ZBTB17: variants seen among roughly 807,000 people sequenced by gnomAD.
The protein encoded by ZBTB17 is zinc finger and BTB domain-containing protein 17.
In ZBTB17, 24 loss-of-function variants were observed where a neutral mutation model predicts 85.1. The ratio of observed to expected loss-of-function variants is 0.28; its 90% CI spans 0.20 to 0.40. The LOEUF is 0.40. ZBTB17 is among the 10% of genes least tolerant of loss of function. The pLI is 1.00. For missense variants in ZBTB17, 743 were observed against 1,105.1 expected (o/e 0.67, Z 4.65); for synonymous variants, 464 against 460.2 (o/e 1.01, Z -0.11).
At chr1:15,946,886 A>G (rs1283441650) in intron 4 of ZBTB17, 49 bp downstream of exon 4, 1 of 1,566,248 alleles carries the variant, frequency 6.4e-7, no homozygotes, top group Admixed American at 1.8e-5. Flanking sequence ...CCCACATCAA[A>G]AGCCAAGGTC....
intron 13 of ZBTB17, 121 bp downstream of exon 13, chr1:15,942,943 G>A (rs1570094729): frequency 1.4e-6 from 2 of 1,474,668 alleles, no homozygotes; most frequent in Non-Finnish European, 1.8e-6. Context: ...CTGCCTTCAA[G>A]GCCACCTGCA....
intron 2 of ZBTB17, among the ~76,000 whole-genome samples, chr1:15,971,360 CAATA>C (rs1417118376): frequency 7.2e-6 from 1 of 139,652 alleles, no homozygotes; most frequent in East Asian, 2.1e-4. Context: ...CATACACACA[CAATA>C]TATATATATA....
rs1056229610 is a variant in ZBTB17 at position 15,951,569 on chromosome 1, A to G, written c.-2-3072T>C. ...CCCCCAGGCTGTTCCCCAGCCGGGA[A>G]GCTTTAACAGCCCCTCTCTCAAGGC... On this transcript the variant is annotated intron_variant, in intron 2 of 15. Coordinates refer to ENST00000375743, the MANE Select transcript of ZBTB17 (RefSeq NM_003443.3). This position sits in a 1 kb window ranked among gnomAD's most constrained non-coding sequence, Gnocchi z 4.1. 7.9e-5 allele frequency among the ~76,000 whole-genome samples: 12 copies of G among 152,146 alleles called. No individual in the cohort carries two copies. Among genetic ancestry groups the G allele is most frequent in the Non-Finnish European group, 1.5e-5 (1 of 68,016 alleles).
rs1478212788 is a variant in ZBTB17 at position 15,944,443 on chromosome 1, G to A, written c.1228C>T (p.Leu410=). The part of the protein sequence containing the change: ...TTSGNLKRHQ[L]VHSGEKPYQC... ...TAGGGCTTCTCGCCGCTGTGCACCA[G>A]CTGGTGGCGCTTGAGGTTGCCCGAG... Residue 410 remains leucine (L), a synonymous_variant, in exon 9 of 16, where the codon CTG becomes TTG. Transcript: ENST00000375743. 5.1e-6 allele frequency: 8 copies of A among 1,574,720 alleles called. No homozygotes were observed. The highest frequency in any genetic ancestry group is 1.4e-5 in the African/African-American group (1 of 73,962).
rs1368419352 is a variant in ZBTB17, at chr1:15,953,822, A to T, written c.-2-5325T>A. On this transcript the variant is annotated intron_variant, in intron 2 of 15. Coordinates refer to ENST00000375743, the MANE Select transcript of ZBTB17 (RefSeq NM_003443.3). This position sits in a 1 kb window ranked among gnomAD's most constrained non-coding sequence, Gnocchi z 5.1. ...TATGACTTCCTTTGTGACAGGATTA[A>T]ATTAAGTAACATAGGTCAAGACCCT... Among the ~76,000 whole-genome samples the T allele has an allele frequency of 6.6e-6, 1 of 152,224 alleles. No individual in the cohort carries two copies. The highest frequency in any genetic ancestry group is 1.5e-5 in the Non-Finnish European group (1 of 68,040).
At chr1:15,970,540 A>T (rs1350606314) in intron 2 of ZBTB17, among the ~76,000 whole-genome samples, 1 of 146,960 alleles carries the variant, frequency 6.8e-6, no homozygotes, top group African/African-American at 2.5e-5. Flanking sequence ...CCACCACCAC[A>T]CCCAGCTAAT....
In ZBTB17 at chr1:15,952,753, A is replaced by G. The variant is rs1003809644; in HGVS notation, c.-2-4256T>C. Among the ~76,000 whole-genome samples the G allele has an allele frequency of 6.6e-6, 1 of 152,252 alleles. No homozygotes were observed. The highest frequency in any genetic ancestry group is 2.4e-5 in the African/African-American group (1 of 41,474). The stretch of plus-strand genomic sequence containing the variant: ...GGGGAGAGGGCACATGGAGAAGAGC[A>G]GAGAGGCCACTGACAGCACCAATGC... On this transcript the variant is annotated intron_variant, in intron 2 of 15. Coordinates refer to ENST00000375743, the MANE Select transcript of ZBTB17 (RefSeq NM_003443.3). The surrounding 1 kb of genome is among the most constrained non-coding windows in gnomAD (Gnocchi z 4.3).
chr1:15,971,886 C>CTTTT (rs34488066), intron 2 of ZBTB17, among the ~76,000 whole-genome samples: 2 of 146,878 alleles, frequency 1.4e-5, no homozygotes, highest in Admixed American at 6.8e-5. Flanking sequence ...ATAGTCATTA[C>CTTTT]TTTTTTTTTT....
chr1:15,964,999 A>C lies in ZBTB17; in HGVS notation c.-3+8040T>G, dbSNP rs1238435959. 2.0e-5 allele frequency among the ~76,000 whole-genome samples: 3 copies of C among 151,914 alleles called. No homozygotes were observed. The highest frequency in any genetic ancestry group is 4.4e-5 in the Non-Finnish European group (3 of 68,004). Reference sequence around the variant, plus strand: ...CGTGGTGGCACGCATCTGTAATCCCAGCTACTCAGGAGGCTGAGGCAGGAG... The same window carrying C: ...CGTGGTGGCACGCATCTGTAATCCCCGCTACTCAGGAGGCTGAGGCAGGAG... On this transcript the variant is annotated intron_variant, in intron 2 of 15. Transcript: ENST00000375743. The surrounding 1 kb of genome is among the most constrained non-coding windows in gnomAD (Gnocchi z 4.3).
intron 2 of ZBTB17, among the ~76,000 whole-genome samples, chr1:15,955,362 T>G (rs750978749): frequency 1.3e-5 from 2 of 152,058 alleles, no homozygotes; most frequent in Non-Finnish European, 1.5e-5. Context: ...CAGCAAACAC[T>G]CTTCTTGTAT....
At chr1:15,962,894 T>C (rs1174505799) in intron 2 of ZBTB17, among the ~76,000 whole-genome samples, 2 of 152,026 alleles carry the variant, frequency 1.3e-5, no homozygotes, top group African/African-American at 4.8e-5. Context: ...TGAGCTTTGA[T>C]TGCACCTATG....
intron 6 of ZBTB17, 48 bp from the exon 7 acceptor site, chr1:15,945,250 G>A: frequency 2.6e-6 from 4 of 1,541,046 alleles, no homozygotes; most frequent in South Asian, 2.4e-5. Context: ...CTCTGCCTGA[G>A]CGCACGTGAG....
At chr1:15,955,015 G>A (rs1179517261) in intron 2 of ZBTB17, among the ~76,000 whole-genome samples, 3 of 152,162 alleles carry the variant, frequency 2.0e-5, no homozygotes, top group Non-Finnish European at 4.4e-5. Context: ...TTAGCTGGGT[G>A]TGGTGGTGCG....
Position 15,943,404 on chromosome 1 carries a change from G to C in ZBTB17, c.1692C>G (p.Gly564=), listed in dbSNP as rs766943334. The C allele has an allele frequency of 6.3e-7, 1 of 1,597,054 alleles. No individual in the cohort carries two copies. Among genetic ancestry groups the C allele is most frequent in the Non-Finnish European group, 8.5e-7 (1 of 1,171,176 alleles). ...TGTGGGGGAGGGGGCAGGACCTCTT[G>C]CCGCAGCGCTCGCAGACGTAGGGCT... ...GEKPYVCERC[G]KRFVQSSQLA... Residue 564 remains glycine (G), a synonymous_variant, in exon 12 of 16, where the codon GGC becomes GGG. Transcript: ENST00000375743.
chr1:15,964,985 G>A lies in ZBTB17; in HGVS notation c.-3+8054C>T, dbSNP rs1361435903. ...AAAAATTAGCCAGGCGTGGTGGCAC[G>A]CATCTGTAATCCCAGCTACTCAGGA... is the stretch of plus-strand genomic sequence containing the variant. On this transcript the variant is annotated intron_variant, in intron 2 of 15. Coordinates refer to ENST00000375743, the MANE Select transcript of ZBTB17 (RefSeq NM_003443.3). The surrounding 1 kb of genome is among the most constrained non-coding windows in gnomAD (Gnocchi z 4.3). Among the ~76,000 whole-genome samples the A allele has an allele frequency of 2.0e-5, 3 of 151,818 alleles. No homozygotes were observed. Among genetic ancestry groups the A allele is most frequent in the African/African-American group, 7.3e-5 (3 of 41,350 alleles).
rs1254471314 is a variant in ZBTB17, at chr1:15,942,511, G to A, written c.2038+18C>T. On this transcript the variant is annotated intron_variant, in intron 14 of 15. Coordinates refer to ENST00000375743, the MANE Select transcript of ZBTB17 (RefSeq NM_003443.3). The stretch of plus-strand genomic sequence containing the variant: ...AGCAAGCTGCCTGTGACTTCCCTCT[G>A]CTGCCCACAGCCCGCACCTGTGAGC... 2 of 1,609,886 alleles carry A rather than the reference G, an allele frequency of 1.2e-6. No homozygotes were observed. The highest frequency in any genetic ancestry group is 1.1e-5 in the South Asian group (1 of 91,082).
chr1:15,957,632 C>T (rs1316325004), intron 2 of ZBTB17, among the ~76,000 whole-genome samples: 2 of 152,242 alleles, frequency 1.3e-5, no homozygotes, highest in East Asian at 1.9e-4. Context: ...AGTGCAAAGA[C>T]AGACCGCAAG....
At chr1:15,957,586 A>C (rs1016948648) in intron 2 of ZBTB17, among the ~76,000 whole-genome samples, 1 of 152,172 alleles carries the variant, frequency 6.6e-6, no homozygotes, top group Non-Finnish European at 1.5e-5. Flanking sequence ...AGAAAAGAGC[A>C]GAAGAGTGAG....
chr1:15,943,024 G>T, intron 13 of ZBTB17, 40 bp downstream of exon 13: 1 of 1,609,218 alleles, frequency 6.2e-7, no homozygotes, highest in Non-Finnish European at 8.5e-7. Flanking sequence ...CTGGCAGCAG[G>T]GCCTGGGAAG....
Sources: gnomAD v4.1 joint callset for allele counts (sites outside exome capture counted in the v4.1 genomes callset) on GRCh38, gnomAD v4.1.1 for gene constraint, Gnocchi (gnomAD v3.1) non-coding constraint, MANE v1.5 for transcripts, NCBI Gene and HGNC (gene_info 2026-07-23, HGNC 2026-07-21) for gene names.